Variants in CFAP299 observed in about 807,000 individuals in gnomAD.
CFAP299 encodes the protein cilia- and flagella-associated protein 299.
In CFAP299, 21 loss-of-function variants were observed where a neutral mutation model predicts 27.0. The observed-to-expected ratio is 0.78, with a 90% confidence interval of 0.55 to 1.12. The LOEUF (loss-of-function observed/expected upper bound fraction) is 1.12. Ranked by LOEUF, CFAP299 falls within the 50% of genes most tolerant of loss-of-function variation. CFAP299 has a pLI of 0.00. For missense variants in CFAP299, 310 were observed against 276.6 expected (o/e 1.12, Z -0.86); for synonymous variants, 104 against 98.1 (o/e 1.06, Z -0.36).
intron 2 of CFAP299, among the ~76,000 whole-genome samples, chr4:80,553,609 T>A (rs977256505): frequency 6.6e-6 from 1 of 152,208 alleles, no homozygotes; most frequent in African/African-American, 2.4e-5. Context: ...TTTGAACTAA[T>A]TTGCACTGCC....
chr4:80,841,433 A>T (rs1458592158), intron 3 of CFAP299, among the ~76,000 whole-genome samples: 1 of 152,172 alleles, frequency 6.6e-6, no homozygotes, highest in Non-Finnish European at 1.5e-5. Flanking sequence ...GTTCCAACAT[A>T]ATCCCTGACT....
At chr4:80,757,658 G>T (rs546712562) in intron 3 of CFAP299, among the ~76,000 whole-genome samples, 1 of 151,192 alleles carries the variant, frequency 6.6e-6, no homozygotes, top group African/African-American at 2.4e-5. Context: ...ACATTATTTC[G>T]TTGTGAAACA....
At chr4:80,336,567 C>T (rs1560518093) in intron 1 of CFAP299, 1 of 151,614 alleles carries the variant, frequency 6.6e-6, no homozygotes, top group African/African-American at 2.4e-5. Flanking sequence ...TCCCCAGCTA[C>T]CCCCGCTGCA....
chr4:80,362,777 G>T lies in CFAP299; in HGVS notation c.135G>T (p.Leu45Phe), dbSNP rs764847933. 1 of 1,608,794 alleles carries T rather than the reference G, an allele frequency of 6.2e-7. No individual in the cohort carries two copies. Among genetic ancestry groups the T allele is most frequent in the Non-Finnish European group, 8.5e-7 (1 of 1,178,642 alleles). ...AGGATGAAACCCTGGCCCGCCAGTT[G>T]GTGGAGCTAGGCTACCGAGGGACTG... ...YLEDETLARQ[L>F]VELGYRGTGE... Residue 45 changes from leucine (L) to phenylalanine (F), a missense_variant, in exon 2 of 6, where the codon TTG becomes TTT. Coordinates refer to ENST00000358105, the MANE Select transcript of CFAP299 (RefSeq NM_152770.3).
At chr4:80,443,174 TA>T (rs1388300610) in intron 2 of CFAP299, among the ~76,000 whole-genome samples, 1 of 152,174 alleles carries the variant, frequency 6.6e-6, no homozygotes, top group Non-Finnish European at 1.5e-5. Context: ...GACTCCTACC[TA>T]ACTCATTTTA....
chr4:80,788,184 C>A (rs1408149392), intron 3 of CFAP299, among the ~76,000 whole-genome samples: 1 of 151,998 alleles, frequency 6.6e-6, no homozygotes, highest in Non-Finnish European at 1.5e-5. Flanking sequence ...ACTATATAGA[C>A]TTTCCCCAAC....
At chr4:80,962,036 A>G (rs190210766) in intron 5 of CFAP299, among the ~76,000 whole-genome samples, 1 of 152,078 alleles carries the variant, frequency 6.6e-6, no homozygotes, top group Admixed American at 6.6e-5. Context: ...AAGATCTGCA[A>G]AGTTAAATTT....
intron 2 of CFAP299, among the ~76,000 whole-genome samples, chr4:80,390,914 TAC>T (rs1218185744): frequency 1.5e-5 from 1 of 67,416 alleles, no homozygotes; most frequent in Non-Finnish European, 3.9e-5. Context: ...TATATGTATA[TAC>T]ACACATATGT....
chr4:80,396,074 C>T (rs1560546862), intron 2 of CFAP299, among the ~76,000 whole-genome samples: 1 of 152,110 alleles, frequency 6.6e-6, no homozygotes, highest in Admixed American at 6.6e-5. Flanking sequence ...TTCCATTGCA[C>T]TATGTGTCAC....
chr4:80,602,724 G>A (rs1373110671), intron 3 of CFAP299, among the ~76,000 whole-genome samples: 5 of 152,034 alleles, frequency 3.3e-5, no homozygotes, highest in Non-Finnish European at 4.4e-5. Flanking sequence ...AGCCTCTGGG[G>A]CCCAGAGGCT....
At chr4:80,605,726 T>A (rs1339857916) in intron 3 of CFAP299, among the ~76,000 whole-genome samples, 1 of 152,184 alleles carries the variant, frequency 6.6e-6, no homozygotes, top group African/African-American at 2.4e-5. Context: ...TTTCTTTAAA[T>A]TTTCCTATTG....
chr4:80,651,396 C>G (rs1327552636), intron 3 of CFAP299, among the ~76,000 whole-genome samples: 1 of 140,006 alleles, frequency 7.1e-6, no homozygotes, highest in African/African-American at 2.7e-5. Flanking sequence ...GACAGAGTCT[C>G]TCTGTGTCAC....
At chr4:80,332,326 T>C (rs147445299), upstream of CFAP299, among the ~76,000 whole-genome samples, 3,258 of 152,186 alleles carry the variant, frequency 0.021, 70 homozygotes, top group Admixed American at 0.069. Flanking sequence ...ACATTGTCTG[T>C]GGAGGTGAGG....
At chr4:80,706,428 TG>T (rs1228722160) in intron 3 of CFAP299, among the ~76,000 whole-genome samples, 2 of 151,808 alleles carry the variant, frequency 1.3e-5, no homozygotes, top group Non-Finnish European at 2.9e-5. Context: ...AATGGTTTTT[TG>T]GGGGGTAAAA....
intron 3 of CFAP299, among the ~76,000 whole-genome samples, chr4:80,799,877 AT>A (rs1728275032): frequency 3.0e-5 from 1 of 33,584 alleles, no homozygotes; most frequent in Admixed American, 5.9e-4. Context: ...TATATATTAT[AT>A]TATATAATAT....
At chr4:80,387,470 G>T in intron 2 of CFAP299, 1 of 820,134 alleles carries the variant, frequency 1.2e-6, no homozygotes, top group Non-Finnish European at 2.1e-6. Flanking sequence ...TTTCCGGCTT[G>T]CCCCTTGCTA....
At chr4:80,546,467 G>A (rs1482094404) in intron 2 of CFAP299, among the ~76,000 whole-genome samples, 2 of 152,168 alleles carry the variant, frequency 1.3e-5, no homozygotes, top group Non-Finnish European at 2.9e-5. Flanking sequence ...ACTGTTGAAA[G>A]AAAGAAGAGA....
intron 3 of CFAP299, among the ~76,000 whole-genome samples, chr4:80,627,528 T>C (rs146072254): frequency 7.2e-4 from 110 of 151,842 alleles, no homozygotes; most frequent in African/African-American, 2.2e-3. Flanking sequence ...GACATACAAA[T>C]TGGAAAGGAA....
At chr4:80,719,576 T>A (rs1443579964) in intron 3 of CFAP299, among the ~76,000 whole-genome samples, 2 of 152,226 alleles carry the variant, frequency 1.3e-5, no homozygotes, top group Admixed American at 6.5e-5. Flanking sequence ...ATTAAAAACA[T>A]TTTCCATTTT....
Sources: allele counts gnomAD v4.1 joint callset (sites outside exome capture counted in the v4.1 genomes callset), GRCh38; gene constraint gnomAD v4.1.1; transcripts MANE v1.5; gene names NCBI Gene and HGNC (gene_info 2026-07-23, HGNC 2026-07-21).